The following GFM2 variants were observed in gnomAD, a reference collection of about 807,000 sequenced individuals.
GFM2 encodes GTP dependent ribosome recycling factor mitochondrial 2, also known as ribosome-releasing factor 2, mitochondrial.
GFM2 carries 72 observed loss-of-function variants against 95.4 expected under a neutral mutation model. The ratio of observed to expected loss-of-function variants is 0.76; its 90% CI spans 0.62 to 0.92. The LOEUF is 0.92. Among genes scored for constraint, GFM2 ranks in the 40% least tolerant of loss-of-function variants. The probability of loss-of-function intolerance (pLI) is 0.00; values close to 1 mark genes in which losing one functional copy is unlikely to be tolerated. For missense variants in GFM2, 825 were observed against 924.1 expected (o/e 0.89, Z 1.39); for synonymous variants, 276 against 317.5 (o/e 0.87, Z 1.39).
chr5:74,721,857 T>C, intron 20 of GFM2, 74 bp from the exon 21 acceptor site: 1 of 1,426,444 alleles, frequency 7.0e-7, no homozygotes, highest in Non-Finnish European at 9.6e-7. Context: ...GATTATCTTT[T>C]GACTATTAGG....
rs1350996471 is a variant in GFM2 at position 74,730,288 on chromosome 5, C to T, written c.1698G>A (p.Glu566=). 6.2e-7 allele frequency: 1 copy of T among 1,611,326 alleles called. No homozygotes were observed. Among genetic ancestry groups the T allele is most frequent in the Admixed American group, 1.7e-5 (1 of 59,088 alleles). Reference sequence around the variant, plus strand: ...TGGCACGAACTGAGTTTAGGATGGTCTCTCGATATGCCACCTGGAGAGGCC... The same window carrying T: ...TGGCACGAACTGAGTTTAGGATGGTTTCTCGATATGCCACCTGGAGAGGCC... ...YLGPLQVAYR[E]TILNSVRATD... is the part of the protein sequence containing the mutation. Residue 566 remains glutamate, a synonymous_variant, in exon 17 of 21, where the codon GAG becomes GAA. Coordinates refer to ENST00000296805, the MANE Select transcript of GFM2 (RefSeq NM_032380.5).
At chr5:74,746,042 A>T in intron 9 of GFM2, 63 bp downstream of exon 9, 1 of 1,222,000 alleles carries the variant, frequency 8.2e-7, no homozygotes, top group Non-Finnish European at 1.2e-6. Flanking sequence ...GGAAATGTAT[A>T]TATTGTCACA....
At position 74,738,334 on chromosome 5, in the gene GFM2, G is replaced by A; in HGVS notation, c.1304C>T (p.Thr435Ile). The A allele has an allele frequency of 6.2e-7, 1 of 1,612,780 alleles. No homozygotes were observed. The highest frequency in any genetic ancestry group is 8.5e-7 in the Non-Finnish European group (1 of 1,179,230). ...GTCACTTACATGTTTAAGCCCAACA[G>A]TCAAAGCAATGTTACCAGCAGTCAA... The part of the protein sequence containing the change: ...PSLTAGNIAL[T>I]VGLKHTATGD... The change falls in exon 14 of 21, where the codon ACT becomes ATT. Residue 435 changes from threonine to isoleucine, a missense_variant. Thr to Ile is a moderately conservative substitution (Grantham distance 89, BLOSUM62 -1). Transcript: ENST00000296805.
rs1173074100 is a variant in GFM2 at position 74,751,393 on chromosome 5, A to G, written c.405T>C (p.Tyr135=). ...CTGGTGTATCAATTAGATTGACTCT[A>G]TAACCTTTCCAATCAAATGTAACAG... ...SAAVTFDWKG[Y]RVNLIDTPGH... Residue 135 remains tyrosine (Y), a synonymous_variant, in exon 6 of 21, where the codon TAT becomes TAC. Coordinates refer to ENST00000296805, the MANE Select transcript of GFM2 (RefSeq NM_032380.5). 1.9e-6 allele frequency: 3 copies of G among 1,613,088 alleles called. No individual in the cohort carries two copies. The highest frequency in any genetic ancestry group is 2.5e-6 in the Non-Finnish European group (3 of 1,179,082).
At chr5:74,761,844 A>C (rs1371911943) in intron 2 of GFM2, among the ~76,000 whole-genome samples, 1 of 152,190 alleles carries the variant, frequency 6.6e-6, no homozygotes, top group Non-Finnish European at 1.5e-5. Context: ...TAGTGTATGT[A>C]ATGATTTAGG....
intron 18 of GFM2, 60 bp from the exon 19 acceptor site, chr5:74,725,815 G>C (rs1199862500): frequency 1.4e-6 from 2 of 1,453,408 alleles, no homozygotes; most frequent in African/African-American, 2.8e-5. Flanking sequence ...AAGTAACTGA[G>C]AAGTGCAAAG....
chr5:74,763,252 T>C (rs1744374172), intron 2 of GFM2, among the ~76,000 whole-genome samples: 1 of 152,212 alleles, frequency 6.6e-6, no homozygotes, highest in Non-Finnish European at 1.5e-5. Flanking sequence ...CAAAAGTAGT[T>C]GTATCAACCA....
intron 17 of GFM2, among the ~76,000 whole-genome samples, chr5:74,728,732 TTA>T: frequency 6.6e-6 from 1 of 150,652 alleles, no homozygotes; most frequent in South Asian, 2.1e-4. Flanking sequence ...TAATATTCTT[TTA>T]TGTGTGGGGG....
chr5:74,722,691 GCAA>G, intron 19 of GFM2, 130 bp from the exon 20 acceptor site: 1 of 649,198 alleles, frequency 1.5e-6, no homozygotes, highest in Non-Finnish European at 2.5e-6. Flanking sequence ...TTATAAGATG[GCAA>G]CAACTATAAT....
Position 74,745,813 on chromosome 5 carries a change from T to TA in GFM2, c.713dup (p.Val239SerfsTer14). 2 of 1,612,870 alleles carry TA rather than the reference T, an allele frequency of 1.2e-6. No homozygotes were observed. Among genetic ancestry groups the TA allele is most frequent in the Non-Finnish European group, 1.7e-6 (2 of 1,179,792 alleles). On this transcript the variant is annotated frameshift_variant, in exon 10 of 21. Transcript: ENST00000296805. LOFTEE classifies it high-confidence loss of function. Reference sequence around the variant, plus strand: ...TCCAAAGAAGTTTTTCTTTCATTACTACATCCACCACTCCTTTGAAAGTTT... The same window carrying TA: ...TCCAAAGAAGTTTTTCTTTCATTACTAACATCCACCACTCCTTTGAAAGTTT...
intron 9 of GFM2, 67 bp downstream of exon 9, chr5:74,746,038 G>C: frequency 8.4e-7 from 1 of 1,191,794 alleles, no homozygotes; most frequent in Non-Finnish European, 1.2e-6. Flanking sequence ...CTTTGGAAAT[G>C]TATATATTGT....
chr5:74,740,238 C>CCTCA, intron 11 of GFM2, 101 bp from the exon 12 acceptor site: 1 of 761,856 alleles, frequency 1.3e-6, no homozygotes, highest in African/African-American at 1.8e-5. Flanking sequence ...AACCAGCACT[C>CCTCA]CTCATCACAC....
At position 74,730,414 on chromosome 5, in the gene GFM2, A is replaced by G. The variant is rs1742496655; in HGVS notation, c.1588-16T>C. On this transcript the variant is annotated splice_polypyrimidine_tract_variant and intron_variant, in intron 16 of 20. Coordinates refer to ENST00000296805, the MANE Select transcript of GFM2 (RefSeq NM_032380.5). ...ACAGAACAGTCTGGTTACCAGAGGA[A>G]TGAAATAAAAGATTAAGGGTAAATT... is the stretch of plus-strand genomic sequence containing the variant. 8.4e-6 allele frequency: 13 copies of G among 1,544,546 alleles called. No individual in the cohort carries two copies. The highest frequency in any genetic ancestry group is 1.1e-5 in the Non-Finnish European group (13 of 1,142,156).
intron 1 of GFM2, among the ~76,000 whole-genome samples, chr5:74,765,971 C>A (rs1469078024): frequency 6.6e-6 from 1 of 151,870 alleles, no homozygotes; most frequent in East Asian, 1.9e-4. Context: ...TGCACTCCAG[C>A]CTGTGCGACA....
At chr5:74,745,062 G>C (rs539859469) in intron 10 of GFM2, among the ~76,000 whole-genome samples, 139 of 152,086 alleles carry the variant, frequency 9.1e-4, no homozygotes, top group Non-Finnish European at 1.5e-3. Context: ...AATGAGGCCC[G>C]GCGCAGTGGC....
chr5:74,723,878 C>G (rs995188405), intron 19 of GFM2, among the ~76,000 whole-genome samples: 5 of 152,134 alleles, frequency 3.3e-5, no homozygotes, highest in Admixed American at 6.6e-5. Context: ...CCCATTTTAT[C>G]TAATACTTTG....
At chr5:74,759,787 T>G (rs1308770415) in intron 3 of GFM2, among the ~76,000 whole-genome samples, 4 of 152,224 alleles carry the variant, frequency 2.6e-5, no homozygotes, top group Non-Finnish European at 5.9e-5. Context: ...AGAAAAAATT[T>G]TAAATGCACA....
intron 5 of GFM2, among the ~76,000 whole-genome samples, chr5:74,752,584 C>T (rs1743775352): frequency 6.6e-6 from 1 of 152,164 alleles, no homozygotes; most frequent in African/African-American, 2.4e-5. Flanking sequence ...GACCAAATAA[C>T]TAACTATAAG....
Position 74,746,145 on chromosome 5 carries a change from C to A in GFM2, c.629G>T (p.Ser210Ile). Residue 210 changes from serine to isoleucine, a missense_variant, in exon 9 of 21, where the codon AGC (serine) becomes ATC (isoleucine). Transcript: ENST00000296805. ...TGASFKYAVE[S>I]IREKLKAKPL... is the part of the protein sequence containing the mutation. ...CTTTGCCTTTAACTTCTCTCTGATG[C>A]TTTCAACTGCATACTTAAAGCTGTA... 1.3e-6 allele frequency: 2 copies of A among 1,537,142 alleles called. No individual in the cohort carries two copies. The highest frequency in any genetic ancestry group is 1.3e-5 in the South Asian group (1 of 75,936).
Sources: gnomAD v4.1 joint callset for allele counts (sites outside exome capture counted in the v4.1 genomes callset) on GRCh38, gnomAD v4.1.1 for gene constraint, MANE v1.5 for transcripts, NCBI Gene and HGNC (gene_info 2026-07-23, HGNC 2026-07-21) for gene names.